The following NBPF12 variants were observed in gnomAD, a reference collection of about 807,000 sequenced individuals.
NBPF12 encodes the protein NBPF family member NBPF12.
NBPF12 carries 115 observed loss-of-function variants against 146.4 expected under a neutral mutation model. That is an observed-to-expected ratio of 0.79 (90% CI 0.68 to 0.92). The LOEUF is 0.92. Among genes scored for constraint, NBPF12 ranks in the 40% least tolerant of loss-of-function variants. The probability of loss-of-function intolerance (pLI) is 0.00; values close to 1 mark genes in which losing one functional copy is unlikely to be tolerated. For synonymous variants in NBPF12, 385 were observed against 508.9 expected (o/e 0.76, Z 3.28); for missense variants, 1,205 against 1,326.8 (o/e 0.91, Z 1.43).
chr1:146,994,451 G>T (rs782069903), exon 34 of NBPF12: 17 of 1,611,850 alleles, frequency 1.1e-5, no homozygotes, highest in South Asian at 2.2e-5. Context: ...CACTACAGAA[G>T]TGTGTTTTAC....
chr1:146,981,638 C>G (rs1657402351), intron 19 of NBPF12, among the ~76,000 whole-genome samples: 1 of 151,914 alleles, frequency 6.6e-6, no homozygotes, highest in South Asian at 2.1e-4. Context: ...GGATAATATC[C>G]TGAAGAATGT....
At chr1:146,938,375 G>C (rs1347142630), upstream of NBPF12, among the ~76,000 whole-genome samples, 2 of 152,106 alleles carry the variant, frequency 1.3e-5, no homozygotes, top group South Asian at 4.1e-4. Flanking sequence ...AGTCCTAAAG[G>C]CGGGGTCGCT....
Position 146,961,678 on chromosome 1 carries a change from T to G in NBPF12, c.176-483T>G. Among the ~76,000 whole-genome samples the G allele has an allele frequency of 3.3e-5, 5 of 152,174 alleles. No individual in the cohort carries two copies. The East Asian group carries it at 9.7e-4, about 29-fold the overall frequency. ...CAGATATGATTCTTAAAACCATATC[T>G]GAATATTGATTTAAAAATGAAATAT... On this transcript the variant is annotated intron_variant, in intron 4 of 33. Coordinates refer to ENST00000617844, the Ensembl canonical transcript of NBPF12.
intron 14 of NBPF12, among the ~76,000 whole-genome samples, 187 bp downstream of exon 17, chr1:146,973,147 A>C (rs1321911710): frequency 1.4e-5 from 2 of 147,604 alleles, no homozygotes; most frequent in Non-Finnish European, 3.0e-5. Context: ...GCAACTTTCC[A>C]TGTTTGCAAT....
chr1:146,972,436 C>G (rs1366415212), intron 13 of NBPF12, among the ~76,000 whole-genome samples: 4 of 151,390 alleles, frequency 2.6e-5, no homozygotes, highest in African/African-American at 7.3e-5. Flanking sequence ...ATTAAAAAAG[C>G]AAAATGAAAT....
At chr1:146,967,739 T>C (rs1288259545) in intron 9 of NBPF12, among the ~76,000 whole-genome samples, 2 of 150,516 alleles carry the variant, frequency 1.3e-5, no homozygotes, top group Non-Finnish European at 2.9e-5. Flanking sequence ...CAGAGGGTAC[T>C]ACAATAATAC....
At chr1:146,969,265 C>T in intron 10 of NBPF12, 117 bp from the exon 14 acceptor site, 3 of 939,118 alleles carry the variant, frequency 3.2e-6, no homozygotes, top group Middle Eastern at 3.2e-4. Context: ...TCAACATGTG[C>T]TGACCTTCTG....
chr1:146,971,944 TG>T (rs1656656866), intron 13 of NBPF12, among the ~76,000 whole-genome samples: 36 of 143,476 alleles, frequency 2.5e-4, no homozygotes. Flanking sequence ...AAAAATTAGC[TG>T]GGCGCGGTGT....
chr1:146,974,945 G>T (rs1384494138), intron 15 of NBPF12, 104 bp downstream of exon 18: 2 of 572,418 alleles, frequency 3.5e-6, no homozygotes, highest in Non-Finnish European at 2.9e-6. Context: ...CAGGGGAAGG[G>T]CAGGAATTGC....
At position 146,982,996 on chromosome 1, in the gene NBPF12, C is replaced by G. The variant is rs1657487830; in HGVS notation, c.2519C>G (p.Ser840Ter). ...TGGGATGAAGGTTATTCGACTCTCT[C>G]AATTCCTCCTGAAAGGTTGGCCTCA... is the stretch of plus-strand genomic sequence containing the variant. The change falls in exon 20 of 34, where the codon TCA becomes TGA. Residue 840 changes from serine to a stop codon, truncating the protein, a stop_gained. Transcript: ENST00000617844. LOFTEE classifies it high-confidence loss of function. The G allele has an allele frequency of 3.7e-6, 6 of 1,609,428 alleles. No homozygotes were observed. The African/African-American group carries it at 5.5e-5, about 15-fold the overall frequency.
chr1:146,944,816 T>G (rs1654948868), upstream of NBPF12, among the ~76,000 whole-genome samples: 1 of 151,606 alleles, frequency 6.6e-6, no homozygotes, highest in South Asian at 2.1e-4. Flanking sequence ...CCTACTTCTC[T>G]CCCTTCCCTA....
chr1:146,962,510 A>T (rs1390635685), intron 5 of NBPF12, among the ~76,000 whole-genome samples: 9 of 151,824 alleles, frequency 5.9e-5, no homozygotes, highest in African/African-American at 1.9e-4. Flanking sequence ...TTTACATAAC[A>T]CAAAATTCAC....
At chr1:146,964,219 T>C (rs1266066538) in intron 6 of NBPF12, 138 bp from the exon 10 acceptor site, 10 of 1,381,224 alleles carry the variant, frequency 7.2e-6, no homozygotes, top group Admixed American at 5.5e-5. Context: ...CCAGAGCATT[T>C]TGTGAAGGAT....
upstream of NBPF12, chr1:146,938,604 C>T (rs1336288801): frequency 1.3e-5 from 2 of 151,066 alleles, no homozygotes; most frequent in Admixed American, 6.6e-5. Flanking sequence ...AGCCGGGTCC[C>T]TTTAAGGCCC....
intron 1 of NBPF12, among the ~76,000 whole-genome samples, chr1:146,941,982 TGAGTAGCTGCGACTATAG>T (rs1349914267): frequency 2.0e-5 from 3 of 148,576 alleles, no homozygotes; most frequent in Non-Finnish European, 3.0e-5. Flanking sequence ...CTCAGCCTCC[TGAGTAGCTGCGACTATAG>T]GCGTGTGCCA....
chr1:146,966,713 A>G, intron 9 of NBPF12, 40 bp downstream of exon 12: 5 of 1,093,402 alleles, frequency 4.6e-6, no homozygotes, highest in Non-Finnish European at 5.7e-6. Context: ...GTGATGAACA[A>G]CGTCCTGTCT....
In NBPF12 at chr1:146,968,973, C is replaced by G. The variant is rs1656387176; in HGVS notation, c.1092-409C>G. ...CCCTGTCATTCTTTTCTTCTTTCAT[C>G]TTTTCAATTCACCCCATCTGCATCT... On this transcript the variant is annotated intron_variant, in intron 10 of 33. Transcript: ENST00000617844. Among the ~76,000 whole-genome samples the G allele has an allele frequency of 2.6e-5, 4 of 151,632 alleles. No homozygotes were observed. The South Asian group carries it at 6.2e-4, about 24-fold the overall frequency.
At position 146,994,323 on chromosome 1, in the gene NBPF12, C is replaced by G. The variant is rs1376082647; in HGVS notation, c.4131-9C>G. On this transcript the variant is annotated splice_polypyrimidine_tract_variant and intron_variant, in intron 33 of 33. Coordinates refer to ENST00000617844, the Ensembl canonical transcript of NBPF12. ...CTGGCTGCTTCTTTAGTTTTGTCTC[C>G]TTTTCCAGGCTCAACAGCGTGCTGA... 6.0e-5 allele frequency: 96 copies of G among 1,611,350 alleles called. No homozygotes were observed. The highest frequency in any genetic ancestry group is 7.9e-5 in the Non-Finnish European group (93 of 1,179,766).
chr1:146,969,810 G>T (rs1656464912), intron 11 of NBPF12, among the ~76,000 whole-genome samples: 1 of 151,212 alleles, frequency 6.6e-6, no homozygotes, highest in Admixed American at 6.6e-5. Context: ...TTCCTTGATG[G>T]AAGGTGGTCT....
Sources: gnomAD v4.1 joint callset for allele counts (sites outside exome capture counted in the v4.1 genomes callset) on GRCh38, gnomAD v4.1.1 for gene constraint, MANE v1.5 for transcripts, NCBI Gene and HGNC (gene_info 2026-07-23, HGNC 2026-07-21) for gene names.